Variants in PSMD3 observed in about 807,000 individuals in gnomAD.
PSMD3 encodes proteasome 26S subunit, non-ATPase 3.
Under a neutral mutation model 62.8 loss-of-function variants are expected in PSMD3, and 5 were observed. The observed-to-expected ratio is 0.08, with a 90% CI of 0.04 to 0.17. The LOEUF is 0.17. Among genes scored for constraint, PSMD3 ranks in the 10% least tolerant of loss-of-function variants. The pLI, the probability that PSMD3 is intolerant of heterozygous loss-of-function variation, is 1.00. For synonymous variants in PSMD3, 265 were observed against 283.9 expected, an observed-to-expected ratio of 0.93 and a Z score of 0.67; for missense variants, 524 against 713.6, an observed-to-expected ratio of 0.73 and a Z score of 3.03.
intron 3 of PSMD3, among the ~76,000 whole-genome samples, chr17:39,987,792 T>C (rs1174216822): frequency 6.6e-6 from 1 of 152,136 alleles, no homozygotes; most frequent in South Asian, 2.1e-4. Flanking sequence ...TGTTTGTTTT[T>C]GAGATATAAT....
chr17:39,988,039 G>A (rs375223163), intron 3 of PSMD3, among the ~76,000 whole-genome samples: 3 of 152,218 alleles, frequency 2.0e-5, no homozygotes, highest in Non-Finnish European at 4.4e-5. Flanking sequence ...CCAGGGAGGC[G>A]GAGGTTGTGG....
chr17:39,989,713 T>C, intron 4 of PSMD3, 26 bp from the exon 5 acceptor site: 1 of 1,600,872 alleles, frequency 6.2e-7, no homozygotes, highest in Non-Finnish European at 8.5e-7. Flanking sequence ...TTTGAAGGCT[T>C]TGACATCTTT....
rs188835116 is a variant in PSMD3, at chr17:39,983,612, T to A, written c.221-682T>A. ...ACACAGTTATCTAAAAGGGTTTTTT[T>A]AAATGAAGTCAAGCCCATTAATCTT... On this transcript the variant is annotated intron_variant, in intron 1 of 11. Coordinates refer to ENST00000264639, the MANE Select transcript of PSMD3 (RefSeq NM_002809.4). Among the ~76,000 whole-genome samples, 790 of 152,386 alleles carry A rather than the reference T, an allele frequency of 5.2e-3. 25 individuals are homozygous for A. Among genetic ancestry groups the A allele is most frequent in the Admixed American group, 0.044 (668 of 15,306 alleles).
intron 2 of PSMD3, among the ~76,000 whole-genome samples, chr17:39,984,800 T>C (rs1167290627): frequency 2.0e-5 from 3 of 152,196 alleles, no homozygotes; most frequent in Non-Finnish European, 4.4e-5. Flanking sequence ...AAGGTGCTGC[T>C]GCCTCTTTCT....
At chr17:39,988,857 G>A in intron 4 of PSMD3, 38 bp downstream of exon 4, 1 of 1,607,362 alleles carries the variant, frequency 6.2e-7, no homozygotes, top group East Asian at 2.2e-5. Context: ...GGTCCGTGGG[G>A]TCAGAGACTT....
rs567913543 is a variant in PSMD3 at position 39,994,840 on chromosome 17, A to G, written c.982-114A>G. On this transcript the variant is annotated intron_variant, in intron 6 of 11. Coordinates refer to ENST00000264639, the MANE Select transcript of PSMD3 (RefSeq NM_002809.4). ...CTTCCTCCTCTCTCTGGGCCTAAAC[A>G]GTGATCCCTTTCCCTGTTTCCCACT... The G allele has an allele frequency of 2.3e-5, 20 of 873,956 alleles. No individual in the cohort carries two copies. In the Middle Eastern group the frequency reaches 1.5e-3, roughly 68 times the overall value. 54.1% of individuals were successfully genotyped at this position (873,956 alleles called of 1,614,324 possible).
chr17:39,992,424 A>C (rs1356316445), intron 6 of PSMD3, among the ~76,000 whole-genome samples: 5 of 152,076 alleles, frequency 3.3e-5, no homozygotes, highest in Non-Finnish European at 7.4e-5. Flanking sequence ...TTACAGAATC[A>C]CCTGGGGCTC....
intron 2 of PSMD3, among the ~76,000 whole-genome samples, chr17:39,985,772 C>T (rs1980511704): frequency 6.6e-6 from 1 of 152,238 alleles, no homozygotes; most frequent in Admixed American, 6.5e-5. Flanking sequence ...GTGACTGTAA[C>T]ACATTATTTT....
chr17:39,984,061 G>A (rs1260848442), intron 1 of PSMD3, among the ~76,000 whole-genome samples: 7 of 152,094 alleles, frequency 4.6e-5, no homozygotes, highest in Non-Finnish European at 8.8e-5. Flanking sequence ...TTAGCCAGGC[G>A]TGGTGGCGGG....
At position 39,996,329 on chromosome 17, in the gene PSMD3, G is replaced by A; in HGVS notation, c.1467G>A (p.Met489Ile). The change falls in exon 10 of 12, where the codon ATG becomes ATA. Residue 489 changes from methionine to isoleucine, a missense_variant. Coordinates refer to ENST00000264639, the MANE Select transcript of PSMD3 (RefSeq NM_002809.4). This position sits in a 1 kb window ranked among gnomAD's most constrained non-coding sequence, Gnocchi z 5.1. ...RISFCLDIHN[M>I]SVKAMRFPPK... is the part of the protein sequence containing the mutation. ...CCTTCTGCCTAGATATCCACAACAT[G>A]TCTGTCAAGGTGAGAAGCCCGTGGC... 6.2e-7 allele frequency: 1 copy of A among 1,613,866 alleles called. No individual in the cohort carries two copies. Among genetic ancestry groups the A allele is most frequent in the Non-Finnish European group, 8.5e-7 (1 of 1,179,974 alleles).
chr17:39,993,795 G>T (rs775472005), intron 6 of PSMD3: 1 of 152,082 alleles, frequency 6.6e-6, no homozygotes, highest in Admixed American at 6.5e-5. Context: ...GTATCATAAC[G>T]GTCTTGTGAG....
At chr17:39,997,230 C>T in intron 10 of PSMD3, 100 bp from the exon 11 acceptor site, 1 of 1,170,244 alleles carries the variant, frequency 8.5e-7, no homozygotes, top group Non-Finnish European at 1.3e-6. Flanking sequence ...CGCTTCCTGC[C>T]TGGTGTCTAG....
intron 2 of PSMD3, among the ~76,000 whole-genome samples, chr17:39,984,898 T>A (rs1225782130): frequency 6.6e-6 from 1 of 151,324 alleles, no homozygotes; most frequent in Non-Finnish European, 1.5e-5. Flanking sequence ...ACACCTGTCT[T>A]CCCAGCACTT....
chr17:39,986,505 G>A (rs1268484002), intron 2 of PSMD3, 70 bp from the exon 3 acceptor site: 2 of 1,557,616 alleles, frequency 1.3e-6, no homozygotes, highest in Admixed American at 1.7e-5. Context: ...AATACATAGT[G>A]GATGCTCAAT....
In PSMD3 at chr17:39,997,810, G is replaced by A. The variant is rs1980824419; in HGVS notation, c.*229G>A. ...GGTGGGCAGGCAACCTCCCCGGGCA[G>A]GGTCCTGGCCAGCAGTGTGGGAGCA... On this transcript the variant is annotated 3_prime_UTR_variant, in exon 12 of 12. Coordinates refer to ENST00000264639, the MANE Select transcript of PSMD3 (RefSeq NM_002809.4). The A allele has an allele frequency of 1.7e-6, 1 of 591,214 alleles. No homozygotes were observed. Among genetic ancestry groups the A allele is most frequent in the Admixed American group, 2.9e-5 (1 of 34,480 alleles). 36.6% of individuals were successfully genotyped at this position (591,214 alleles called of 1,614,324 possible). A position where few individuals can be genotyped will look rare whatever the true frequency, so the allele number is the denominator to read the frequency against.
chr17:39,984,456 G>C lies in PSMD3; in HGVS notation c.383G>C (p.Arg128Pro). 1 of 1,612,398 alleles carries C rather than the reference G, an allele frequency of 6.2e-7. No individual in the cohort carries two copies. Among genetic ancestry groups the C allele is most frequent in the Non-Finnish European group, 8.5e-7 (1 of 1,179,182 alleles). ...TTCTTCACTTCAAATAATGCCACTC[G>C]AGACTTTTTGCTCCCCTTCCTGGAA... is the stretch of plus-strand genomic sequence containing the variant. ...QGFFTSNNAT[R>P]DFLLPFLEEP... The change falls in exon 2 of 12, where the codon CGA (arginine) becomes CCA (proline). Residue 128 changes from arginine to proline, a missense_variant. Coordinates refer to ENST00000264639, the MANE Select transcript of PSMD3 (RefSeq NM_002809.4).
At position 39,995,285 on chromosome 17, in the gene PSMD3, G is replaced by A. The variant is rs1980755897; in HGVS notation, c.1206G>A (p.Val402=). 1 of 1,614,182 alleles carries A rather than the reference G, an allele frequency of 6.2e-7. No individual in the cohort carries two copies. The highest frequency in any genetic ancestry group is 8.5e-7 in the Non-Finnish European group (1 of 1,180,038). The change falls in exon 8 of 12, where the codon GTG becomes GTA. Residue 402 remains valine, a synonymous_variant. Coordinates refer to ENST00000264639, the MANE Select transcript of PSMD3 (RefSeq NM_002809.4). The surrounding 1 kb of genome is among the most constrained non-coding windows in gnomAD (Gnocchi z 4.1). ...YTLIIRLRHN[V]IKTGVRMISL... ...TAATTATCCGGCTGCGGCACAACGT[G>A]ATTAAGACAGGTGTGGATCAGGATC...
intron 3 of PSMD3, among the ~76,000 whole-genome samples, chr17:39,988,370 A>G (rs976976951): frequency 2.6e-5 from 4 of 152,150 alleles, no homozygotes; most frequent in African/African-American, 2.4e-5. Context: ...ACTTAGCATC[A>G]TGTTTTCAAG....
At chr17:39,992,712 C>T (rs571277026) in intron 6 of PSMD3, among the ~76,000 whole-genome samples, 1 of 152,320 alleles carries the variant, frequency 6.6e-6, no homozygotes, top group South Asian at 2.1e-4. Context: ...AGCCTTGGCC[C>T]ATCACCTGTT....
Sources: allele counts gnomAD v4.1 joint callset (sites outside exome capture counted in the v4.1 genomes callset), GRCh38; gene constraint gnomAD v4.1.1; non-coding constraint Gnocchi (gnomAD v3.1); transcripts MANE v1.5; gene names NCBI Gene and HGNC (gene_info 2026-07-23, HGNC 2026-07-21).